The following KCNH7 variants were observed in gnomAD, a reference collection of about 807,000 sequenced individuals.
KCNH7 encodes voltage-gated inwardly rectifying potassium channel KCNH7.
KCNH7 carries 49 observed loss-of-function variants against 120.8 expected under a neutral mutation model. That is an observed-to-expected ratio of 0.41 (90% CI 0.32 to 0.51). The LOEUF (loss-of-function observed/expected upper bound fraction) is 0.51. KCNH7 is among the 20% of genes least tolerant of loss of function. The probability of loss-of-function intolerance (pLI) is 0.38; values close to 1 mark genes in which losing one functional copy is unlikely to be tolerated. For synonymous variants in KCNH7, 547 were observed against 516.1 expected, an observed-to-expected ratio of 1.06 and a Z score of -0.81; for missense variants, 1,097 against 1,446.6, an observed-to-expected ratio of 0.76 and a Z score of 3.92.
At chr2:162,692,628 T>C (rs559223654) in intron 2 of KCNH7, among the ~76,000 whole-genome samples, 112 of 152,156 alleles carry the variant, frequency 7.4e-4, no homozygotes, top group African/African-American at 2.6e-3. Flanking sequence ...TTTTTTCCTC[T>C]ATTGATATTT....
At chr2:162,577,780 G>A (rs2105911435) in intron 2 of KCNH7, among the ~76,000 whole-genome samples, 1 of 151,986 alleles carries the variant, frequency 6.6e-6, no homozygotes, top group East Asian at 1.9e-4. Flanking sequence ...TCCATAGAGT[G>A]AACTTGCTTA....
chr2:162,827,201 A>G lies in KCNH7; in HGVS notation c.307+9336T>C, dbSNP rs369925534. The stretch of plus-strand genomic sequence containing the variant: ...AGTATATTTATGCTTTCCCTTTAAA[A>G]TACTAGTGGTGAATTTTGTTACATC... On this transcript the variant is annotated intron_variant, in intron 2 of 15. Coordinates refer to ENST00000332142, the MANE Select transcript of KCNH7 (RefSeq NM_033272.4). 5.9e-5 allele frequency among the ~76,000 whole-genome samples: 9 copies of G among 152,236 alleles called. No homozygotes were observed. The East Asian group carries it at 1.2e-3, about 20-fold the overall frequency.
chr2:162,427,071 C>A (rs1359814885), intron 8 of KCNH7, among the ~76,000 whole-genome samples: 11 of 151,568 alleles, frequency 7.3e-5, no homozygotes. Flanking sequence ...TTTTTAACTG[C>A]TGAATTGATG....
intron 12 of KCNH7, among the ~76,000 whole-genome samples, chr2:162,386,890 G>A (rs1686589746): frequency 1.3e-5 from 2 of 151,656 alleles, no homozygotes; most frequent in Non-Finnish European, 3.0e-5. Flanking sequence ...AGATTCACCA[G>A]TTAACATGTA....
At position 162,371,939 on chromosome 2, in the gene KCNH7, T is replaced by A. The variant is rs1489974213; in HGVS notation, c.3481A>T (p.Thr1161Ser). The A allele has an allele frequency of 1.9e-6, 3 of 1,613,902 alleles. No homozygotes were observed. Among genetic ancestry groups the A allele is most frequent in the Admixed American group, 3.3e-5 (2 of 59,986 alleles). ...GGATGCCTAATTGGATGAACGTAAG[T>A]TTTTCTTTGCCGCAGGTGAAGCTCT... Reference protein sequence around the residue: ...SLELHLRQRKTYVHPIRHPSL... With the variant: ...SLELHLRQRKSYVHPIRHPSL... Residue 1161 changes from threonine (T) to serine (S), a missense_variant, in exon 16 of 16, where the codon ACT becomes TCT. Around this residue, in one of 8 missense-constraint regions of KCNH7, gnomAD observed 406 missense variants for 410.5 expected, o/e 0.99. Transcript: ENST00000332142.
At chr2:162,760,285 A>G (rs942451834) in intron 2 of KCNH7, among the ~76,000 whole-genome samples, 4 of 152,152 alleles carry the variant, frequency 2.6e-5, no homozygotes, top group African/African-American at 9.6e-5. Flanking sequence ...TTGCTCTGAC[A>G]TACATTGGTT....
At chr2:162,419,274 T>TAAAAAAAAAAAAA in intron 9 of KCNH7, among the ~76,000 whole-genome samples, 1 of 61,872 alleles carries the variant, frequency 1.6e-5, no homozygotes, top group Non-Finnish European at 3.2e-5. Context: ...TGTCCCAGGC[T>TAAAAAAAAAAAAA]AAAAAAAAAA....
At chr2:162,728,823 ATAT>A (rs1296278312) in intron 2 of KCNH7, among the ~76,000 whole-genome samples, 9 of 152,158 alleles carry the variant, frequency 5.9e-5, no homozygotes, top group Non-Finnish European at 1.3e-4. Context: ...AAGTTATCAA[ATAT>A]TATTTTAAAA....
At chr2:162,439,511 A>G (rs138006830) in intron 7 of KCNH7, among the ~76,000 whole-genome samples, 94 of 152,262 alleles carry the variant, frequency 6.2e-4, no homozygotes, top group Non-Finnish European at 1.1e-3. Flanking sequence ...CACCCATGCT[A>G]TCTCAGAACT....
chr2:162,422,715 A>G (rs1396001538), intron 9 of KCNH7, among the ~76,000 whole-genome samples: 1 of 152,146 alleles, frequency 6.6e-6, no homozygotes, highest in Non-Finnish European at 1.5e-5. Context: ...TTTGCTTAAA[A>G]GTTGAAGGAA....
chr2:162,744,748 A>AT (rs756603009), intron 2 of KCNH7, among the ~76,000 whole-genome samples: 60 of 151,292 alleles, frequency 4.0e-4, no homozygotes, highest in Non-Finnish European at 7.4e-4. Context: ...AATTTTTTGT[A>AT]TTTTTTATTA....
chr2:162,625,568 C>A (rs1236874098), intron 2 of KCNH7, among the ~76,000 whole-genome samples: 1 of 152,088 alleles, frequency 6.6e-6, no homozygotes, highest in South Asian at 2.1e-4. Context: ...GAAAAGGATG[C>A]TTTGTAGTTA....
chr2:162,484,260 C>T (rs1574014247), intron 6 of KCNH7, among the ~76,000 whole-genome samples: 1 of 151,292 alleles, frequency 6.6e-6, no homozygotes, highest in African/African-American at 2.4e-5. Context: ...GAGAGACACA[C>T]ACACACAGTC....
chr2:162,753,417 G>GA (rs1688677099), intron 2 of KCNH7, among the ~76,000 whole-genome samples: 1 of 151,968 alleles, frequency 6.6e-6, no homozygotes, highest in Non-Finnish European at 1.5e-5. Context: ...GATAGATTAC[G>GA]AATTAGGACT....
intron 2 of KCNH7, among the ~76,000 whole-genome samples, chr2:162,706,656 T>C (rs1350788527): frequency 1.3e-5 from 2 of 152,142 alleles, no homozygotes; most frequent in Non-Finnish European, 2.9e-5. Context: ...AACATGTTTT[T>C]TATTTCAGAA....
At chr2:162,708,160 G>A (rs899842152) in intron 2 of KCNH7, among the ~76,000 whole-genome samples, 2 of 151,878 alleles carry the variant, frequency 1.3e-5, no homozygotes, top group African/African-American at 4.8e-5. Context: ...TCCAGGCCAT[G>A]GAATAGTTCT....
chr2:162,595,693 C>T (rs1235401180), intron 2 of KCNH7, among the ~76,000 whole-genome samples: 1 of 151,910 alleles, frequency 6.6e-6, no homozygotes, highest in Non-Finnish European at 1.5e-5. Flanking sequence ...CTTCTATTCA[C>T]ATTGTGCTGG....
chr2:162,833,468 A>G (rs1193431934), intron 2 of KCNH7, among the ~76,000 whole-genome samples: 1 of 152,198 alleles, frequency 6.6e-6, no homozygotes, highest in Non-Finnish European at 1.5e-5. Flanking sequence ...TTGTATAATT[A>G]GAGTTTTATG....
chr2:162,703,750 T>C (rs1686596631), intron 2 of KCNH7, among the ~76,000 whole-genome samples: 1 of 152,284 alleles, frequency 6.6e-6, no homozygotes, highest in South Asian at 2.1e-4. Flanking sequence ...TGACTTTTTC[T>C]AGACGGGCAT....
Sources: allele counts gnomAD v4.1 joint callset (sites outside exome capture counted in the v4.1 genomes callset), GRCh38; gene constraint gnomAD v4.1.1; regional missense constraint gnomAD v4.1.1; transcripts MANE v1.5; gene names NCBI Gene and HGNC (gene_info 2026-07-23, HGNC 2026-07-21).